Variants in DENND1A observed in about 807,000 individuals in gnomAD.
DENND1A encodes DENN domain containing 1A.
In DENND1A, 51 loss-of-function variants were observed where a neutral mutation model predicts 113.7. The ratio of observed to expected loss-of-function variants is 0.45; its 90% confidence interval spans 0.36 to 0.57. DENND1A has a LOEUF of 0.57. Among genes scored for constraint, DENND1A ranks in the 20% least tolerant of loss-of-function variants. The pLI, the probability that DENND1A is intolerant of heterozygous loss-of-function variation, is 0.00. For synonymous variants in DENND1A, 565 were observed against 570.8 expected (o/e 0.99, Z 0.14); for missense variants, 1,258 against 1,395.9 (o/e 0.90, Z 1.57).
At chr9:123,768,419 T>C (rs966285700) in intron 4 of DENND1A, among the ~76,000 whole-genome samples, 1 of 152,164 alleles carries the variant, frequency 6.6e-6, no homozygotes, top group African/African-American at 2.4e-5. Context: ...GCAAACAGCA[T>C]ACTACCCACA....
intron 2 of DENND1A, among the ~76,000 whole-genome samples, chr9:123,858,519 T>C (rs547804914): frequency 6.6e-6 from 1 of 152,198 alleles, no homozygotes; most frequent in Admixed American, 6.5e-5. Flanking sequence ...AACAAGACCG[T>C]GGATAGAAGG....
At chr9:123,392,075 C>T (rs872863) in intron 21 of DENND1A, among the ~76,000 whole-genome samples, 14,256 of 152,164 alleles carry the variant, frequency 0.094, 715 homozygotes, top group Middle Eastern at 0.17. Context: ...AACGTGTCGC[C>T]GGTTAGCGCG....
chr9:123,676,631 T>C (rs1288846212), intron 6 of DENND1A, 89 bp downstream of exon 6: 1 of 1,300,578 alleles, frequency 7.7e-7, no homozygotes, highest in Non-Finnish European at 1.1e-6. Context: ...TGCATCACTT[T>C]TTTGGTAAAA....
intron 19 of DENND1A, among the ~76,000 whole-genome samples, chr9:123,415,697 C>T (rs529268635): frequency 1.3e-5 from 2 of 152,224 alleles, no homozygotes; most frequent in Non-Finnish European, 2.9e-5. Flanking sequence ...AGTGACTTCC[C>T]TGGGCCTCTG....
chr9:123,786,793 A>C (rs950815339), intron 3 of DENND1A, among the ~76,000 whole-genome samples: 24 of 152,216 alleles, frequency 1.6e-4, no homozygotes, highest in Non-Finnish European at 8.8e-5. Context: ...GAATTTACAA[A>C]TTCTGTTCCA....
chr9:123,478,282 T>C (rs1181908192), intron 13 of DENND1A, among the ~76,000 whole-genome samples: 3 of 152,226 alleles, frequency 2.0e-5, no homozygotes, highest in Admixed American at 2.0e-4. Flanking sequence ...CAAAAGGCTT[T>C]TGGCGGTTGT....
chr9:123,439,394 C>T (rs550676572), intron 19 of DENND1A, among the ~76,000 whole-genome samples: 7 of 152,268 alleles, frequency 4.6e-5, no homozygotes, highest in Middle Eastern at 3.4e-3. Context: ...TAACCTGGAG[C>T]AAGAATTTTG....
At chr9:123,915,450 AGAAG>A (rs1199707615) in intron 1 of DENND1A, among the ~76,000 whole-genome samples, 1 of 152,162 alleles carries the variant, frequency 6.6e-6, no homozygotes, top group East Asian at 1.9e-4. Flanking sequence ...TTGAAAAGGT[AGAAG>A]GAAGAGCTAG....
intron 5 of DENND1A, among the ~76,000 whole-genome samples, chr9:123,683,282 C>T (rs917170579): frequency 6.6e-6 from 1 of 152,100 alleles, no homozygotes; most frequent in African/African-American, 2.4e-5. Flanking sequence ...TCAAGAAAAA[C>T]AAGGATAGTA....
chr9:123,536,900 T>G (rs767421680), intron 13 of DENND1A, among the ~76,000 whole-genome samples: 2 of 152,198 alleles, frequency 1.3e-5, no homozygotes, highest in Non-Finnish European at 2.9e-5. Context: ...AGAAAAGCTT[T>G]CTGGAACTTC....
At chr9:123,606,895 CAG>C (rs2060178235) in intron 11 of DENND1A, among the ~76,000 whole-genome samples, 2 of 152,212 alleles carry the variant, frequency 1.3e-5, no homozygotes, top group Admixed American at 6.5e-5. Flanking sequence ...AAGAAGAAAA[CAG>C]AGCAGGAGGA....
rs535585969 is a variant in DENND1A at position 123,877,279 on chromosome 9, A to C, written c.88+1672T>G. On this transcript the variant is annotated intron_variant, in intron 2 of 23. Transcript: ENST00000394215. ...GCTGAGGCAGGCGGATAACGAGGTC[A>C]AGAGTTCGAGACAGCCTGGCCAACA... 2.6e-5 allele frequency among the ~76,000 whole-genome samples: 4 copies of C among 151,906 alleles called. No homozygotes were observed. The East Asian group carries it at 7.8e-4, about 30-fold the overall frequency.
intron 5 of DENND1A, among the ~76,000 whole-genome samples, chr9:123,741,993 A>G (rs2131106391): frequency 6.6e-6 from 1 of 152,342 alleles, no homozygotes; most frequent in East Asian, 1.9e-4. Context: ...AGACGTGTCC[A>G]ATTCAGGCCA....
chr9:123,874,628 A>G (rs1321055638), intron 2 of DENND1A, among the ~76,000 whole-genome samples: 1 of 150,532 alleles, frequency 6.6e-6, no homozygotes, highest in Non-Finnish European at 1.5e-5. Flanking sequence ...TTTGTCTCTA[A>G]CTAATAAACA....
chr9:123,865,780 A>C (rs1845727825), intron 2 of DENND1A, among the ~76,000 whole-genome samples: 1 of 152,202 alleles, frequency 6.6e-6, no homozygotes, highest in Non-Finnish European at 1.5e-5. Context: ...GAAGGAAATT[A>C]AGTAATTTGC....
chr9:123,407,430 C>T (rs778084873), intron 20 of DENND1A, among the ~76,000 whole-genome samples: 7 of 152,096 alleles, frequency 4.6e-5, no homozygotes, highest in Non-Finnish European at 8.8e-5. Context: ...TGAAGGCACA[C>T]GTATGACTCA....
chr9:123,655,070 T>C (rs138792082), intron 8 of DENND1A, among the ~76,000 whole-genome samples: 1 of 152,332 alleles, frequency 6.6e-6, no homozygotes, highest in East Asian at 1.9e-4. Flanking sequence ...TCCTGCTGTG[T>C]CCTCTGCCTC....
intron 20 of DENND1A, among the ~76,000 whole-genome samples, chr9:123,410,941 G>T (rs1052117846): frequency 1.3e-5 from 2 of 151,892 alleles, no homozygotes; most frequent in Non-Finnish European, 2.9e-5. Context: ...GCCGGAGTCT[G>T]ACCTACCAAG....
chr9:123,776,064 C>T (rs1830425283), intron 3 of DENND1A, among the ~76,000 whole-genome samples: 1 of 152,152 alleles, frequency 6.6e-6, no homozygotes, highest in East Asian at 1.9e-4. Flanking sequence ...TAAATTAGCA[C>T]CTCTACCCAC....
Sources: allele counts gnomAD v4.1 joint callset (sites outside exome capture counted in the v4.1 genomes callset), GRCh38; gene constraint gnomAD v4.1.1; transcripts MANE v1.5; gene names NCBI Gene and HGNC (gene_info 2026-07-23, HGNC 2026-07-21).